The following STAP1 variants were observed in gnomAD, a reference collection of about 807,000 sequenced individuals.
STAP1 encodes signal-transducing adaptor protein 1.
A neutral mutation model predicts 37.8 loss-of-function variants in STAP1; 30 were observed. The observed-to-expected ratio is 0.79, with a 90% CI of 0.59 to 1.08. The LOEUF is 1.08. Among genes scored for constraint, STAP1 ranks in the 50% least tolerant of loss-of-function variants. The pLI, the probability that STAP1 is intolerant of heterozygous loss-of-function variation, is 0.00. For missense variants in STAP1, 357 were observed against 349.4 expected (o/e 1.02, Z -0.17); for synonymous variants, 130 against 116.0 (o/e 1.12, Z -0.78).
intron 1 of STAP1, among the ~76,000 whole-genome samples, chr4:67,562,440 G>A (rs1727369705): frequency 6.6e-6 from 1 of 152,006 alleles, no homozygotes; most frequent in African/African-American, 2.4e-5. Flanking sequence ...CTCCTTTCAG[G>A]AAAACATTTT....
intron 2 of STAP1, 88 bp from the exon 3 acceptor site, chr4:67,575,297 A>C (rs1409277877): frequency 1.3e-6 from 1 of 785,352 alleles, no homozygotes; most frequent in East Asian, 3.0e-5. Flanking sequence ...ATTAGTTGAA[A>C]GGAAGATATT....
At chr4:67,569,851 C>G (rs946215396) in intron 1 of STAP1, among the ~76,000 whole-genome samples, 24 of 152,032 alleles carry the variant, frequency 1.6e-4, no homozygotes, top group African/African-American at 5.8e-4. Flanking sequence ...TGCTACAGCC[C>G]CCTGAGTAGT....
In STAP1 at chr4:67,563,527, G is replaced by A. The variant is rs545526029; in HGVS notation, c.120+4598G>A. Among the ~76,000 whole-genome samples, 432 of 152,188 alleles carry A rather than the reference G, an allele frequency of 2.8e-3. 2 individuals are homozygous for A. Among genetic ancestry groups the A allele is most frequent in the Non-Finnish European group, 3.9e-3 (264 of 67,998 alleles). On this transcript the variant is annotated intron_variant, in intron 1 of 8. Transcript: ENST00000265404. ...TGGAGATCAGCCTAGGCAATATAGC[G>A]AAACCCCATTTCTACAAAATCAAAA...
intron 1 of STAP1, among the ~76,000 whole-genome samples, chr4:67,559,637 A>T (rs1727289375): frequency 2.6e-5 from 4 of 152,100 alleles, no homozygotes. Flanking sequence ...ATTATGGATG[A>T]CTTGAAATTA....
intron 1 of STAP1, among the ~76,000 whole-genome samples, chr4:67,564,366 A>G (rs939517641): frequency 6.6e-6 from 1 of 152,014 alleles, no homozygotes; most frequent in Non-Finnish European, 1.5e-5. Flanking sequence ...ATTTAACTTT[A>G]CCCAATTCAT....
At chr4:67,584,521 G>A (rs2109867175) in intron 6 of STAP1, among the ~76,000 whole-genome samples, 1 of 152,314 alleles carries the variant, frequency 6.6e-6, no homozygotes. Context: ...CCTCAGAGGT[G>A]ACAAAGGGAG....
intron 1 of STAP1, among the ~76,000 whole-genome samples, chr4:67,564,062 A>T (rs1727411151): frequency 6.6e-6 from 1 of 151,970 alleles, no homozygotes; most frequent in Non-Finnish European, 1.5e-5. Flanking sequence ...ATTGAGATTG[A>T]TATTTATAAA....
intron 6 of STAP1, 133 bp downstream of exon 6, chr4:67,583,835 A>G: frequency 9.5e-7 from 1 of 1,054,002 alleles, no homozygotes. Context: ...GCGGTGGCTC[A>G]CGCCTGTAAT....
chr4:67,558,785 C>T lies in STAP1; in HGVS notation c.-25C>T, dbSNP rs1727267107. On this transcript the variant is annotated 5_prime_UTR_variant, in exon 1 of 9. Transcript: ENST00000265404. ...TTTCATTTTGTTTGAGACGAGAAAC[C>T]AAACCACACACCAAAGAGAGGGGTA... 1 of 1,595,496 alleles carries T rather than the reference C, an allele frequency of 6.3e-7. No individual in the cohort carries two copies. The highest frequency in any genetic ancestry group is 1.1e-5 in the South Asian group (1 of 88,074).
chr4:67,602,782 A>C (rs1274385756), intron 8 of STAP1, among the ~76,000 whole-genome samples: 1 of 146,582 alleles, frequency 6.8e-6, no homozygotes, highest in African/African-American at 2.5e-5. Flanking sequence ...GGGTGGACAT[A>C]AGCACTCCTG....
At chr4:67,562,870 A>G (rs1160385742) in intron 1 of STAP1, among the ~76,000 whole-genome samples, 1 of 152,010 alleles carries the variant, frequency 6.6e-6, no homozygotes, top group Non-Finnish European at 1.5e-5. Flanking sequence ...ATAAAAAATG[A>G]ATTAAGAAAT....
intron 8 of STAP1, among the ~76,000 whole-genome samples, chr4:67,604,818 T>C (rs1335408166): frequency 6.6e-6 from 1 of 151,620 alleles, no homozygotes; most frequent in East Asian, 1.9e-4. Flanking sequence ...ATTGAACCAG[T>C]TCTCTCTTAC....
At chr4:67,588,423 T>G (rs1266404270) in intron 6 of STAP1, among the ~76,000 whole-genome samples, 1 of 152,118 alleles carries the variant, frequency 6.6e-6, no homozygotes, top group East Asian at 1.9e-4. Context: ...GTTTTTGTTT[T>G]TTTTGAGACG....
At chr4:67,580,619 C>A (rs3775869) in intron 4 of STAP1, among the ~76,000 whole-genome samples, 66,508 of 151,982 alleles carry the variant, frequency 0.44, 16,221 homozygotes, top group Non-Finnish European at 0.56. Flanking sequence ...TTACCATTCA[C>A]ACTATACCTT....
chr4:67,595,441 TGGGA>T (rs1309494301), intron 8 of STAP1, among the ~76,000 whole-genome samples: 1 of 149,844 alleles, frequency 6.7e-6, no homozygotes, highest in Non-Finnish European at 1.5e-5. Context: ...CCTAGCTACT[TGGGA>T]GGGTGAGGCA....
chr4:67,589,152 T>G (rs1728067720), intron 6 of STAP1, among the ~76,000 whole-genome samples: 1 of 152,132 alleles, frequency 6.6e-6, no homozygotes, highest in Non-Finnish European at 1.5e-5. Context: ...ATTGTAGAGT[T>G]TTCAAAAGTA....
intron 3 of STAP1, among the ~76,000 whole-genome samples, chr4:67,576,396 G>A (rs1397351879): frequency 6.6e-6 from 1 of 152,046 alleles, no homozygotes; most frequent in Non-Finnish European, 1.5e-5. Context: ...ATAAACCAGT[G>A]TGTAGAATAG....
intron 3 of STAP1, among the ~76,000 whole-genome samples, chr4:67,576,546 T>C (rs1009198210): frequency 2.6e-5 from 4 of 152,204 alleles, no homozygotes; most frequent in African/African-American, 9.6e-5. Flanking sequence ...GTGCTTAAAA[T>C]AGTAGCTACC....
intron 1 of STAP1, among the ~76,000 whole-genome samples, chr4:67,565,263 G>C (rs564837864): frequency 6.6e-6 from 1 of 152,078 alleles, no homozygotes; most frequent in South Asian, 2.1e-4. Flanking sequence ...CTATCTGATC[G>C]CAGTGCTAGT....
Sources: gnomAD v4.1 joint callset for allele counts (sites outside exome capture counted in the v4.1 genomes callset) on GRCh38, gnomAD v4.1.1 for gene constraint, MANE v1.5 for transcripts, NCBI Gene and HGNC (gene_info 2026-07-23, HGNC 2026-07-21) for gene names.